The following ADAM21 variants were observed in gnomAD, a reference collection of about 807,000 sequenced individuals.
ADAM21 encodes the protein disintegrin and metalloproteinase domain-containing protein 21.
For missense variants in ADAM21, 678 were observed against 874.4 expected (o/e 0.78, Z 2.83); for synonymous variants, 262 against 306.0 (o/e 0.86, Z 1.50).
rs1346576964 is a variant in ADAM21, at chr14:70,458,891, T to C, written c.1392T>C (p.Cys464=). ...DCKFMPSGEL[C]RQEVNECDLP... ...AGTTCATGCCATCAGGGGAACTCTG[T>C]AGACAAGAGGTCAATGAATGTGACC... The change falls in exon 2 of 2, where the codon TGT becomes TGC. Residue 464 remains cysteine (C), a synonymous_variant. Coordinates refer to ENST00000603540, the MANE Select transcript of ADAM21 (RefSeq NM_003813.4). 6.2e-7 allele frequency: 1 copy of C among 1,614,118 alleles called. No homozygotes were observed. The highest frequency in any genetic ancestry group is 1.3e-5 in the African/African-American group (1 of 75,028).
rs185614632 is a variant in ADAM21 at position 70,455,158 on chromosome 14, G to A, written c.-151-2191G>A. Among the ~76,000 whole-genome samples, 19 of 152,250 alleles carry A rather than the reference G, an allele frequency of 1.2e-4. No homozygotes were observed. The East Asian group carries it at 1.3e-3, about 11-fold the overall frequency. ...AAAGGAAGACTCCAGAAAGCACAAG[G>A]GAAGGTATAAGAAGAGAATATAAGG... On this transcript the variant is annotated intron_variant, in intron 1 of 1. Transcript: ENST00000603540.
intron 1 of ADAM21, among the ~76,000 whole-genome samples, chr14:70,456,459 C>T (rs1882410860): frequency 6.6e-6 from 1 of 152,134 alleles, no homozygotes; most frequent in Admixed American, 6.5e-5. Flanking sequence ...CCCTGGCGAT[C>T]CTAAAATACT....
In ADAM21 at chr14:70,459,842, CAT is replaced by C. The variant is rs1441558947; in HGVS notation, c.*175_*176del. On this transcript the variant is annotated 3_prime_UTR_variant, in exon 2 of 2. Coordinates refer to ENST00000603540, the MANE Select transcript of ADAM21 (RefSeq NM_003813.4). ...GTCATTAAGTTCAAGTTATTCTTAA[CAT>C]GTTTCTATCTATTGTTTATTGTTTT... 2 of 770,194 alleles carry C rather than the reference CAT, an allele frequency of 2.6e-6. No individual in the cohort carries two copies. Among genetic ancestry groups the C allele is most frequent in the African/African-American group, 1.8e-5 (1 of 56,986 alleles). 47.7% of individuals were successfully genotyped at this position (770,194 alleles called of 1,614,324 possible). A position where few individuals can be genotyped will look rare whatever the true frequency, so the allele number is the denominator to read the frequency against.
chr14:70,454,306 A>AT (rs35021030), intron 1 of ADAM21, among the ~76,000 whole-genome samples: 10,111 of 146,936 alleles, frequency 0.069, 380 homozygotes, highest in Middle Eastern at 0.12. Flanking sequence ...TGGTTTTGGG[A>AT]TTTTTTTTTT....
chr14:70,454,027 A>G (rs1363871254), intron 1 of ADAM21, among the ~76,000 whole-genome samples: 2 of 152,254 alleles, frequency 1.3e-5, no homozygotes, highest in Admixed American at 6.5e-5. Context: ...ATTAGAAAGG[A>G]AAGGTACTTG....
Position 70,452,599 on chromosome 14 carries a change from CT to C in ADAM21, c.-152+337del, listed in dbSNP as rs1281613728. On this transcript the variant is annotated intron_variant, in intron 1 of 1. Transcript: ENST00000603540. Reference sequence around the variant, plus strand: ...GCCAGGATGGTCTCGATCTCCTGACCTCGTGATCCGCCCTCCTCGGCCTCCC... The same window carrying C: ...GCCAGGATGGTCTCGATCTCCTGACCCGTGATCCGCCCTCCTCGGCCTCCC... Among the ~76,000 whole-genome samples, 3 of 152,164 alleles carry C rather than the reference CT, an allele frequency of 2.0e-5. No individual in the cohort carries two copies. The East Asian group carries it at 5.8e-4, about 29-fold the overall frequency.
rs1318397666 is a variant in ADAM21, at chr14:70,456,679, A to C, written c.-151-670A>C. ...TTTTCTTTTCTAAAAATTATACTAC[A>C]ATATGAACACATTTTAGTAGCATTC... On this transcript the variant is annotated intron_variant, in intron 1 of 1. Transcript: ENST00000603540. 3.9e-5 allele frequency among the ~76,000 whole-genome samples: 6 copies of C among 152,350 alleles called. No individual in the cohort carries two copies. The East Asian group carries it at 1.2e-3, about 29-fold the overall frequency.
rs1299990455 is a variant in ADAM21 at position 70,459,137 on chromosome 14, T to A, written c.1638T>A (p.Asn546Lys). The A allele has an allele frequency of 1.9e-6, 3 of 1,613,096 alleles. No homozygotes were observed. In the Admixed American group the frequency reaches 5.0e-5, roughly 27 times the overall value. ...QGNRFGHCGI[N>K]GTTYLKCHIS... ...ACCGTTTTGGTCACTGTGGTATAAA[T>A]GGCACAACATACCTAAAATGTCATA... Residue 546 changes from asparagine to lysine, a missense_variant, in exon 2 of 2, where the codon AAT (asparagine) becomes AAA (lysine). Asn to Lys is a moderately conservative substitution (Grantham distance 94). Transcript: ENST00000603540.
chr14:70,456,680 A>G (rs1279663223), intron 1 of ADAM21, among the ~76,000 whole-genome samples: 1 of 152,224 alleles, frequency 6.6e-6, no homozygotes, highest in East Asian at 1.9e-4. Flanking sequence ...TTATACTACA[A>G]TATGAACACA....
In ADAM21 at chr14:70,457,583, C is replaced by T. The variant is rs1340586081; in HGVS notation, c.84C>T (p.Tyr28=). 1.9e-6 allele frequency: 3 copies of T among 1,613,724 alleles called. No individual in the cohort carries two copies. The highest frequency in any genetic ancestry group is 4.5e-5 in the East Asian group (2 of 44,868). The change falls in exon 2 of 2, where the codon TAC becomes TAT. Residue 28 remains tyrosine (Y), a synonymous_variant. Coordinates refer to ENST00000603540, the MANE Select transcript of ADAM21 (RefSeq NM_003813.4). ...GGGTATTTTTGTCTATTTCCGGCTA[C>T]TGTCAGGCTGGGCCCTCCCAGCATT... The part of the protein sequence containing the change: ...WLGVFLSISG[Y]CQAGPSQHFT...
At chr14:70,455,675 T>C (rs556433920) in intron 1 of ADAM21, among the ~76,000 whole-genome samples, 1 of 152,292 alleles carries the variant, frequency 6.6e-6, no homozygotes, top group South Asian at 2.1e-4. Context: ...TATTTTGTTA[T>C]AATTTCTACG....
At chr14:70,454,062 G>A (rs1165704088) in intron 1 of ADAM21, among the ~76,000 whole-genome samples, 1 of 152,206 alleles carries the variant, frequency 6.6e-6, no homozygotes, top group Non-Finnish European at 1.5e-5. Flanking sequence ...CTGTGATTGA[G>A]AGACAATGAG....
chr14:70,457,389 C>G lies in ADAM21; in HGVS notation c.-111C>G. 2 of 1,518,198 alleles carry G rather than the reference C, an allele frequency of 1.3e-6. No individual in the cohort carries two copies. Among genetic ancestry groups the G allele is most frequent in the Non-Finnish European group, 1.8e-6 (2 of 1,110,068 alleles). The allele number at this position is 1,518,198 out of a possible 1,614,324, so 94.0% of individuals were successfully genotyped here. On this transcript the variant is annotated 5_prime_UTR_variant, in exon 2 of 2. Coordinates refer to ENST00000603540, the MANE Select transcript of ADAM21 (RefSeq NM_003813.4). ...CTAACTCTGCCAGGACACAGATCCA[C>G]AGGGTCAGCCCTGCATCCTGAGCAG...
At chr14:70,456,310 C>T (rs1333457033) in intron 1 of ADAM21, among the ~76,000 whole-genome samples, 5 of 152,092 alleles carry the variant, frequency 3.3e-5, no homozygotes, top group Admixed American at 6.5e-5. Context: ...ACTTTGTATG[C>T]TCCAAACACA....
chr14:70,452,758 G>A (rs1889055976), intron 1 of ADAM21, among the ~76,000 whole-genome samples: 2 of 152,164 alleles, frequency 1.3e-5, no homozygotes, highest in Admixed American at 1.3e-4. Flanking sequence ...GGGATTGCTG[G>A]GTGCAGCACT....
intron 1 of ADAM21, among the ~76,000 whole-genome samples, chr14:70,453,035 CGT>C (rs10676561): frequency 8.1e-5 from 12 of 148,634 alleles, no homozygotes; most frequent in East Asian, 6.0e-4. Flanking sequence ...TTGAATTTGG[CGT>C]GTGTGTGTGT....
In ADAM21 at chr14:70,455,669, T is replaced by C. The variant is rs73291978; in HGVS notation, c.-151-1680T>C. Among the ~76,000 whole-genome samples the C allele has an allele frequency of 9.1e-3, 1,380 of 152,290 alleles. 16 individuals carry two copies. Among genetic ancestry groups the C allele is most frequent in the African/African-American group, 0.032 (1,314 of 41,566 alleles). ...AATTACCTCCCTTAAGAGAATTATT[T>C]TGTTATAATTTCTACGGCAAGAACT... On this transcript the variant is annotated intron_variant, in intron 1 of 1. Coordinates refer to ENST00000603540, the MANE Select transcript of ADAM21 (RefSeq NM_003813.4).
Position 70,458,043 on chromosome 14 carries a change from C to G in ADAM21, c.544C>G (p.Arg182Gly). Residue 182 changes from arginine (R) to glycine (G), a missense_variant, in exon 2 of 2, where the codon CGC becomes GGC. Physicochemically the swap from Arg to Gly is moderately radical, Grantham distance 125. Coordinates refer to ENST00000603540, the MANE Select transcript of ADAM21 (RefSeq NM_003813.4). Reference protein sequence around the residue: ...RCGLTEKEVARQQLEFEEAEN... With the variant: ...RCGLTEKEVAGQQLEFEEAEN... ...TGGCTTAACAGAGAAGGAAGTAGCACGCCAACAGTTGGAATTTGAAGAGGC... is the reference window on the plus strand; with the variant it reads ...TGGCTTAACAGAGAAGGAAGTAGCAGGCCAACAGTTGGAATTTGAAGAGGC... 1 of 1,613,954 alleles carries G rather than the reference C, an allele frequency of 6.2e-7. No homozygotes were observed. Among genetic ancestry groups the G allele is most frequent in the South Asian group, 1.1e-5 (1 of 91,070 alleles).
At chr14:70,457,077 T>C (rs1264724682) in intron 1 of ADAM21, among the ~76,000 whole-genome samples, 1 of 152,218 alleles carries the variant, frequency 6.6e-6, no homozygotes, top group Non-Finnish European at 1.5e-5. Context: ...TTAAGTTTCT[T>C]TACTTTTGCT....
Sources: gnomAD v4.1 joint callset for allele counts (sites outside exome capture counted in the v4.1 genomes callset) on GRCh38, gnomAD v4.1.1 for gene constraint, MANE v1.5 for transcripts, NCBI Gene and HGNC (gene_info 2026-07-23, HGNC 2026-07-21) for gene names.